The following ANKLE2 variants were observed in gnomAD, a reference collection of about 807,000 sequenced individuals.
ANKLE2 encodes ankyrin repeat and LEM domain-containing protein 2.
In ANKLE2, 55 loss-of-function variants were observed where a neutral mutation model predicts 84.2. That is an observed-to-expected ratio of 0.65 (90% CI 0.53 to 0.82). ANKLE2 has a LOEUF of 0.82. Ranked by LOEUF, ANKLE2 falls within the 40% of genes least tolerant of loss-of-function variation. The probability of loss-of-function intolerance (pLI) is 0.00; values close to 1 mark genes in which losing one functional copy is unlikely to be tolerated. For missense variants in ANKLE2, 1,238 were observed against 1,201.9 expected, an observed-to-expected ratio of 1.03 and a Z score of -0.44; for synonymous variants, 551 against 486.1, an observed-to-expected ratio of 1.13 and a Z score of -1.76.
At chr12:132,750,559 T>C in intron 3 of ANKLE2, 84 bp downstream of exon 3, 1 of 1,470,326 alleles carries the variant, frequency 6.8e-7, no homozygotes, top group Non-Finnish European at 9.4e-7. Flanking sequence ...GAAAACAAGT[T>C]ACCACATCAG....
At chr12:132,754,646 T>A (rs1283812036) in intron 2 of ANKLE2, 29 bp downstream of exon 2, 6 of 1,566,474 alleles carry the variant, frequency 3.8e-6, no homozygotes, top group Middle Eastern at 2.0e-4. Context: ...GCTATCTGTG[T>A]GAGGAAATCC....
chr12:132,737,205 G>A (rs1035442103), intron 7 of ANKLE2, 140 bp from the exon 8 acceptor site: 22 of 804,436 alleles, frequency 2.7e-5, no homozygotes, highest in Non-Finnish European at 3.3e-5. Flanking sequence ...GGTGGTTTCC[G>A]CCAGAGCTCA....
intron 7 of ANKLE2, among the ~76,000 whole-genome samples, chr12:132,739,384 CTA>C (rs915130091): frequency 6.6e-6 from 1 of 152,100 alleles, no homozygotes; most frequent in African/African-American, 2.4e-5. Flanking sequence ...TTACATATTA[CTA>C]TCTTATATTT....
rs748553564 is a variant in ANKLE2 at position 132,743,201 on chromosome 12, A to G, written c.1306T>C (p.Leu436=). The change falls in exon 6 of 13, where the codon TTG becomes CTG. Residue 436 remains leucine, a synonymous_variant. Transcript: ENST00000357997. This position sits in a 1 kb window ranked among gnomAD's most constrained non-coding sequence, Gnocchi z 4.1. The stretch of plus-strand genomic sequence containing the variant: ...TTATTCCTTGAGTTTTTTACAATCA[A>G]ATGGTGTGACGAAAGCACGTTGACT... The part of the protein sequence containing the change: ...DVVNVLSSHH[L]IVKNSRNKYD... 5 of 1,612,186 alleles carry G rather than the reference A, an allele frequency of 3.1e-6. No homozygotes were observed. Among genetic ancestry groups the G allele is most frequent in the Non-Finnish European group, 3.4e-6 (4 of 1,179,110 alleles).
At position 132,734,253 on chromosome 12, in the gene ANKLE2, C is replaced by T. The variant is rs2043959178; in HGVS notation, c.1891+132G>A. 1.8e-5 allele frequency: 18 copies of T among 1,012,384 alleles called. No individual in the cohort carries two copies. The East Asian group carries it at 4.7e-4, about 26-fold the overall frequency. 62.7% of individuals were successfully genotyped at this position (1,012,384 alleles called of 1,614,324 possible). A position where few individuals can be genotyped will look rare whatever the true frequency, so the allele number is the denominator to read the frequency against. On this transcript the variant is annotated intron_variant, in intron 10 of 12. Coordinates refer to ENST00000357997, the MANE Select transcript of ANKLE2 (RefSeq NM_015114.3). ...AAGAGAGGTTCCGTCTCAAAAAATA[C>T]TAACCTAAGGGAAAGTACCAGACCT... is the stretch of plus-strand genomic sequence containing the variant.
intron 1 of ANKLE2, chr12:132,758,490 G>A (rs115226941): frequency 2.6e-5 from 4 of 152,114 alleles, no homozygotes; most frequent in Non-Finnish European, 4.4e-5. Flanking sequence ...GTGAGAAACA[G>A]CTAGGTCTGA....
intron 7 of ANKLE2, chr12:132,739,032 C>T (rs1474804997): frequency 6.6e-6 from 1 of 152,104 alleles, no homozygotes; most frequent in Non-Finnish European, 1.5e-5. Flanking sequence ...ATGGCTCTCA[C>T]TTATGAGTGG....
intron 10 of ANKLE2, among the ~76,000 whole-genome samples, chr12:132,733,791 G>A (rs1023390730): frequency 2.6e-5 from 4 of 152,128 alleles, no homozygotes; most frequent in African/African-American, 9.7e-5. Context: ...ATGTGCACTC[G>A]TCTTTTTCCT....
Position 132,747,942 on chromosome 12 carries a change from G to A in ANKLE2, c.1120C>T (p.Leu374=). 3 of 1,602,476 alleles carry A rather than the reference G, an allele frequency of 1.9e-6. No individual in the cohort carries two copies. The highest frequency in any genetic ancestry group is 2.5e-6 in the Non-Finnish European group (3 of 1,177,292). The stretch of plus-strand genomic sequence containing the variant: ...AGCCTCATGAAGTCAGGGTTCTCCA[G>A]GACGTCCAGAGTCAGCTGGCAGATG... ...ASICQLTLDV[L]ENPDFMRLMY... The change falls in exon 5 of 13, where the codon CTG becomes TTG. Residue 374 remains leucine, a synonymous_variant. Transcript: ENST00000357997.
chr12:132,741,739 C>G (rs185366797), intron 6 of ANKLE2: 1 of 609,322 alleles, frequency 1.6e-6, no homozygotes, highest in East Asian at 3.4e-5. Context: ...CATTTTCTAA[C>G]TGTCTGCAAG....
At chr12:132,735,774 C>T (rs772606931) in intron 8 of ANKLE2, among the ~76,000 whole-genome samples, 31 of 152,166 alleles carry the variant, frequency 2.0e-4, no homozygotes, top group Non-Finnish European at 3.2e-4. Flanking sequence ...CCAGGAGGGC[C>T]CGAGCACGAG....
intron 6 of ANKLE2, among the ~76,000 whole-genome samples, chr12:132,742,839 T>G (rs976735334): frequency 1.6e-5 from 2 of 121,852 alleles, no homozygotes; most frequent in Non-Finnish European, 3.4e-5. Flanking sequence ...CTCTGTTCTC[T>G]CTGACTCTGG....
rs867255044 is a variant in ANKLE2, at chr12:132,759,174, C to T, written c.181+2444G>A. The T allele has an allele frequency of 7.8e-4, 39 of 49,960 alleles. 2 individuals carry two copies. Among genetic ancestry groups the T allele is most frequent in the East Asian group, 3.8e-3 (6 of 1,576 alleles). 3.1% of individuals were successfully genotyped at this position (49,960 alleles called of 1,614,324 possible). On this transcript the variant is annotated intron_variant, in intron 1 of 12. Coordinates refer to ENST00000357997, the MANE Select transcript of ANKLE2 (RefSeq NM_015114.3). ...CAGAGAGGATCGCTGCGGAGTGGCA[C>T]CCCGGGGCACCCACGTGGCAGAGTG...
chr12:132,738,113 G>T (rs7309645), intron 7 of ANKLE2: 2 of 146,480 alleles, frequency 1.4e-5, no homozygotes, highest in African/African-American at 2.7e-5. Flanking sequence ...TGCTGTGCCC[G>T]GCCTCCTCGC....
chr12:132,739,413 T>C (rs2136133463), intron 7 of ANKLE2, among the ~76,000 whole-genome samples: 1 of 152,314 alleles, frequency 6.6e-6, no homozygotes, highest in Non-Finnish European at 1.5e-5. Flanking sequence ...ATCCTATGTA[T>C]GTTGGCATTT....
chr12:132,757,227 G>T (rs1203045322), intron 1 of ANKLE2: 2 of 152,250 alleles, frequency 1.3e-5, no homozygotes, highest in African/African-American at 2.4e-5. Flanking sequence ...TGGACTCTAG[G>T]GCAAAGCAAA....
Position 132,755,021 on chromosome 12 carries a change from T to G in ANKLE2, c.294A>C (p.Thr98=). The G allele has an allele frequency of 6.2e-7, 1 of 1,614,118 alleles. No individual in the cohort carries two copies. Residue 98 remains threonine (T), a synonymous_variant, in exon 2 of 13, where the codon ACA becomes ACC. Coordinates refer to ENST00000357997, the MANE Select transcript of ANKLE2 (RefSeq NM_015114.3). ...GLKCGPITST[T]RFIFEKKLAQ... The stretch of plus-strand genomic sequence containing the variant: ...CCAATTTTTTCTCAAAAATGAACCT[T>G]GTAGTTGATGTAATGGGTCCACATT...
At position 132,754,767 on chromosome 12, in the gene ANKLE2, G is replaced by A; in HGVS notation, c.548C>T (p.Thr183Ile). The A allele has an allele frequency of 6.2e-7, 1 of 1,614,160 alleles. No individual in the cohort carries two copies. The highest frequency in any genetic ancestry group is 8.5e-7 in the Non-Finnish European group (1 of 1,180,042). The change falls in exon 2 of 13, where the codon ACC becomes ATC. Residue 183 changes from threonine to isoleucine, a missense_variant. Coordinates refer to ENST00000357997, the MANE Select transcript of ANKLE2 (RefSeq NM_015114.3). ...SKTCSVPPSD[T>I]DTYRAGATAS... ...AGTCGCTCCAGCTCTGTAGGTGTCGGTGTCACTAGGGGGCACCGAGCAGGT... is the reference window on the plus strand; with the variant it reads ...AGTCGCTCCAGCTCTGTAGGTGTCGATGTCACTAGGGGGCACCGAGCAGGT...
At chr12:132,728,891 C>T (rs1448614451) in intron 11 of ANKLE2, among the ~76,000 whole-genome samples, 1 of 152,176 alleles carries the variant, frequency 6.6e-6, no homozygotes, top group East Asian at 1.9e-4. Context: ...GGCTTTTCTT[C>T]CTAGAAGGAT....
Sources: gnomAD v4.1 joint callset for allele counts (sites outside exome capture counted in the v4.1 genomes callset) on GRCh38, gnomAD v4.1.1 for gene constraint, Gnocchi (gnomAD v3.1) non-coding constraint, MANE v1.5 for transcripts, NCBI Gene and HGNC (gene_info 2026-07-23, HGNC 2026-07-21) for gene names.